The following PLXNC1 variants were observed in gnomAD, a reference collection of about 807,000 sequenced individuals.
PLXNC1 encodes plexin-C1.
PLXNC1 carries 75 observed loss-of-function variants against 178.2 expected under a neutral mutation model. The observed-to-expected ratio is 0.42, with a 90% CI of 0.35 to 0.51. PLXNC1 has a LOEUF of 0.51. PLXNC1 is among the 20% of genes least tolerant of loss of function. The probability of loss-of-function intolerance (pLI) is 0.02; values close to 1 mark genes in which losing one functional copy is unlikely to be tolerated. For missense variants in PLXNC1, 1,503 were observed against 1,984.4 expected, an observed-to-expected ratio of 0.76 and a Z score of 4.61; for synonymous variants, 790 against 779.9, an observed-to-expected ratio of 1.01 and a Z score of -0.22.
intron 9 of PLXNC1, among the ~76,000 whole-genome samples, chr12:94,232,810 A>C (rs1191104175): frequency 6.6e-6 from 1 of 152,212 alleles, no homozygotes; most frequent in African/African-American, 2.4e-5. Context: ...AGAGTATCTA[A>C]GCCTCACAAT....
intron 21 of PLXNC1, chr12:94,277,882 T>G (rs981260679): frequency 2.2e-6 from 1 of 454,744 alleles, no homozygotes; most frequent in African/African-American, 2.0e-5. Flanking sequence ...CCGGTACTGT[T>G]ATTACACCCA....
intron 7 of PLXNC1, among the ~76,000 whole-genome samples, chr12:94,224,948 G>T (rs1963898159): frequency 1.3e-5 from 2 of 152,180 alleles, no homozygotes; most frequent in African/African-American, 4.8e-5. Context: ...GATTGGAATG[G>T]CTTCGGGAAT....
chr12:94,240,316 T>A (rs1964353910), intron 10 of PLXNC1, among the ~76,000 whole-genome samples, 169 bp from the exon 11 acceptor site: 1 of 152,202 alleles, frequency 6.6e-6, no homozygotes, highest in African/African-American at 2.4e-5. Context: ...CAACCCCTAA[T>A]AATACCAACT....
At chr12:94,163,178 A>G (rs906170910) in intron 1 of PLXNC1, among the ~76,000 whole-genome samples, 1 of 152,122 alleles carries the variant, frequency 6.6e-6, no homozygotes, top group Admixed American at 6.5e-5. Flanking sequence ...AGCCTAGCCA[A>G]CATAGTGAAA....
At chr12:94,176,622 T>C (rs1193468689) in intron 2 of PLXNC1, among the ~76,000 whole-genome samples, 4 of 152,196 alleles carry the variant, frequency 2.6e-5, no homozygotes, top group Non-Finnish European at 5.9e-5. Context: ...GGTAATACAA[T>C]GATATTGTTT....
At chr12:94,250,991 A>C (rs902938262) in intron 14 of PLXNC1, among the ~76,000 whole-genome samples, 1 of 152,204 alleles carries the variant, frequency 6.6e-6, no homozygotes, top group Non-Finnish European at 1.5e-5. Context: ...ACTGCACTCC[A>C]ACCTGGGCAA....
In PLXNC1 at chr12:94,240,429, A is replaced by T. The variant is rs143371467; in HGVS notation, c.2121-56A>T. 1.1e-4 allele frequency: 143 copies of T among 1,337,690 alleles called. No homozygotes were observed. The African/African-American group carries it at 1.9e-3, about 18-fold the overall frequency. The allele number at this position is 1,337,690 out of a possible 1,614,324, so 82.9% of individuals were successfully genotyped here. A position where few individuals can be genotyped will look rare whatever the true frequency, so the allele number is the denominator to read the frequency against. On this transcript the variant is annotated intron_variant, in intron 10 of 30. Transcript: ENST00000258526. ...AATTCATTTGCTGTCACCTTGGGTA[A>T]TCAACTGTGCTAAGTGTCTGTGTCA... is the stretch of plus-strand genomic sequence containing the variant.
chr12:94,292,836 G>A (rs1310768395), intron 23 of PLXNC1, among the ~76,000 whole-genome samples: 1 of 152,194 alleles, frequency 6.6e-6, no homozygotes, highest in East Asian at 1.9e-4. Flanking sequence ...AGATTTTGGA[G>A]CATTTTGAAT....
intron 21 of PLXNC1, among the ~76,000 whole-genome samples, chr12:94,273,484 G>C (rs963631817): frequency 6.6e-6 from 1 of 152,022 alleles, no homozygotes; most frequent in African/African-American, 2.4e-5. Context: ...AGCTCTTTGC[G>C]ACCCAATTCA....
intron 26 of PLXNC1, among the ~76,000 whole-genome samples, chr12:94,297,878 A>G (rs1968086270): frequency 1.3e-5 from 2 of 152,144 alleles, no homozygotes; most frequent in Admixed American, 6.5e-5. Context: ...CTCACACATA[A>G]AAGTGTCAGA....
intron 15 of PLXNC1, chr12:94,254,545 G>C (rs771028687): frequency 1.1e-5 from 7 of 651,212 alleles, no homozygotes; most frequent in South Asian, 7.5e-5. Flanking sequence ...AAATGAGTAA[G>C]GTTTTGGTTT....
At chr12:94,305,113 G>A (rs1968864518) in intron 30 of PLXNC1, 68 bp from the exon 31 acceptor site, 2 of 897,194 alleles carry the variant, frequency 2.2e-6, no homozygotes, top group Non-Finnish European at 3.6e-6. Context: ...ACAGCATCAG[G>A]TATGCAAAAA....
chr12:94,270,247 C>T (rs947312197), intron 21 of PLXNC1, among the ~76,000 whole-genome samples: 58 of 152,206 alleles, frequency 3.8e-4, no homozygotes, highest in African/African-American at 1.3e-3. Context: ...GCCTGTGGGC[C>T]AAATGTGGCC....
At chr12:94,241,368 A>G (rs1202741912) in intron 11 of PLXNC1, among the ~76,000 whole-genome samples, 1 of 152,014 alleles carries the variant, frequency 6.6e-6, no homozygotes, top group Non-Finnish European at 1.5e-5. Flanking sequence ...GAACATTCCA[A>G]TTCCACTCTT....
chr12:94,293,247 T>G (rs1967548119), intron 23 of PLXNC1, among the ~76,000 whole-genome samples: 1 of 152,242 alleles, frequency 6.6e-6, no homozygotes, highest in African/African-American at 2.4e-5. Context: ...ATGTTTGAGT[T>G]GTTTCCAGTA....
chr12:94,247,843 A>C, intron 12 of PLXNC1, 60 bp from the exon 13 acceptor site: 16 of 1,479,096 alleles, frequency 1.1e-5, no homozygotes, highest in Non-Finnish European at 1.4e-5. Context: ...CTTAGCTCTT[A>C]GAGATCACAG....
intron 23 of PLXNC1, among the ~76,000 whole-genome samples, chr12:94,284,637 C>T (rs942058329): frequency 2.6e-5 from 4 of 151,980 alleles, no homozygotes; most frequent in Non-Finnish European, 5.9e-5. Flanking sequence ...TAGATGGGTA[C>T]GATGAGGCTC....
chr12:94,260,845 GT>G lies in PLXNC1; in HGVS notation c.3450+6del, dbSNP rs746108680. On this transcript the variant is annotated splice_donor_region_variant and intron_variant, in intron 20 of 30. Transcript: ENST00000258526. The surrounding 1 kb of genome is among the most constrained non-coding windows in gnomAD (Gnocchi z 4.4). Reference sequence around the variant, plus strand: ...TGCCTTTCTGGATTTCTCCGGGTAAGTGTCACATCCCTCAGCAATGTCAGAG... The same window carrying G: ...TGCCTTTCTGGATTTCTCCGGGTAAGGTCACATCCCTCAGCAATGTCAGAG... 6.1e-5 allele frequency: 99 copies of G among 1,613,678 alleles called. No individual in the cohort carries two copies. In the African/African-American group the frequency reaches 1.1e-3, roughly 18 times the overall value.
chr12:94,228,048 G>GT (rs1328752748), intron 9 of PLXNC1, among the ~76,000 whole-genome samples: 1 of 152,210 alleles, frequency 6.6e-6, no homozygotes, highest in Admixed American at 6.5e-5. Flanking sequence ...CTAATCTGTG[G>GT]TTTTGACTTC....
Sources: allele counts gnomAD v4.1 joint callset (sites outside exome capture counted in the v4.1 genomes callset), GRCh38; gene constraint gnomAD v4.1.1; non-coding constraint Gnocchi (gnomAD v3.1); transcripts MANE v1.5; gene names NCBI Gene and HGNC (gene_info 2026-07-23, HGNC 2026-07-21).